The following HOXC12 variants were observed in gnomAD, a reference collection of about 807,000 sequenced individuals.
HOXC12 encodes homeobox protein Hox-C12.
Under a neutral mutation model 20.9 loss-of-function variants are expected in HOXC12, and 24 were observed. The observed-to-expected ratio is 1.15, with a 90% CI of 0.83 to 1.61. The LOEUF is 1.61. HOXC12 is among the 40% of genes most tolerant of loss of function. The probability of loss-of-function intolerance (pLI) is 0.00; values close to 1 mark genes in which losing one functional copy is unlikely to be tolerated. For synonymous variants in HOXC12, 202 were observed against 197.7 expected (o/e 1.02, Z -0.18); for missense variants, 436 against 406.9 (o/e 1.07, Z -0.62).
In HOXC12 at chr12:53,955,136, C is replaced by T. The variant is rs1282483241; in HGVS notation, c.207C>T (p.Leu69=). Residue 69 remains leucine, a synonymous_variant, in exon 1 of 2, where the codon CTC becomes CTT. Transcript: ENST00000243103. ...GCAATGGCTACCCGCAGCCCTACCT[C>T]GGCAGCCCAGTGTCTCTCAACCCTC... is the stretch of plus-strand genomic sequence containing the variant. ...EPCNGYPQPY[L]GSPVSLNPPF... 1.2e-6 allele frequency: 2 copies of T among 1,610,498 alleles called. No individual in the cohort carries two copies. The highest frequency in any genetic ancestry group is 1.3e-5 in the African/African-American group (1 of 74,946).
At position 53,955,428 on chromosome 12, in the gene HOXC12, G is replaced by A. The variant is rs745776602; in HGVS notation, c.499G>A (p.Glu167Lys). 4 of 1,512,212 alleles carry A rather than the reference G, an allele frequency of 2.6e-6. No individual in the cohort carries two copies. The highest frequency in any genetic ancestry group is 3.5e-6 in the Non-Finnish European group (4 of 1,137,114). The allele number at this position is 1,512,212 out of a possible 1,614,324, so 93.7% of individuals were successfully genotyped here. A position where few individuals can be genotyped will look rare whatever the true frequency, so the allele number is the denominator to read the frequency against. Residue 167 changes from glutamate to lysine, a missense_variant, in exon 1 of 2, where the codon GAA (glutamate) becomes AAA (lysine). Glu to Lys is a moderately conservative substitution (Grantham distance 56, BLOSUM62 1). Coordinates refer to ENST00000243103, the MANE Select transcript of HOXC12 (RefSeq NM_173860.3). ...CGACCCGCCCTCCTGCCAGTCGCTGGAATCCGACTCCAGTTCGTCCCTGCT... is the reference window on the plus strand; with the variant it reads ...CGACCCGCCCTCCTGCCAGTCGCTGAAATCCGACTCCAGTTCGTCCCTGCT... ...PHDPPSCQSL[E>K]SDSSSSLLNE...
chr12:53,956,603 G>C lies in HOXC12; in HGVS notation c.*37G>C. ...CGGGCGCCAGCCCCAGACTGAGCCT[G>C]TCCCTGGCAGAGAGCAAAAGAGGGC... is the stretch of plus-strand genomic sequence containing the variant. On this transcript the variant is annotated 3_prime_UTR_variant, in exon 2 of 2. Transcript: ENST00000243103. The C allele has an allele frequency of 6.7e-7, 1 of 1,499,142 alleles. No individual in the cohort carries two copies. Among genetic ancestry groups the C allele is most frequent in the Non-Finnish European group, 9.1e-7 (1 of 1,104,812 alleles). 92.9% of individuals were successfully genotyped at this position (1,499,142 alleles called of 1,614,324 possible).
At position 53,954,956 on chromosome 12, in the gene HOXC12, C is replaced by T. The variant is rs544231042; in HGVS notation, c.27C>T (p.Pro9=). 3 of 1,613,302 alleles carry T rather than the reference C, an allele frequency of 1.9e-6. No homozygotes were observed. Among genetic ancestry groups the T allele is most frequent in the Admixed American group, 1.7e-5 (1 of 60,024 alleles). Reference sequence around the variant, plus strand: ...TGGGCGAGCATAATCTCCTGAATCCCGGGTTTGTGGGGCCGCTGGTAAACA... The same window carrying T: ...TGGGCGAGCATAATCTCCTGAATCCTGGGTTTGTGGGGCCGCTGGTAAACA... MGEHNLLN[P]GFVGPLVNIH... is the part of the protein sequence containing the mutation. Residue 9 remains proline, a synonymous_variant, in exon 1 of 2, where the codon CCC becomes CCT. Transcript: ENST00000243103.
Position 53,956,658 on chromosome 12 carries a change from C to T in HOXC12, c.*92C>T, listed in dbSNP as rs922877872. 3.7e-4 allele frequency: 338 copies of T among 914,500 alleles called. 2 individuals are homozygous for T. Among genetic ancestry groups the T allele is most frequent in the South Asian group, 2.0e-3 (119 of 59,962 alleles). The allele number at this position is 914,500 out of a possible 1,614,324, so 56.6% of individuals were successfully genotyped here. A position where few individuals can be genotyped will look rare whatever the true frequency, so the allele number is the denominator to read the frequency against. On this transcript the variant is annotated 3_prime_UTR_variant, in exon 2 of 2. Transcript: ENST00000243103. The stretch of plus-strand genomic sequence containing the variant: ...CCTAGAACACAGTCCCCACTTAGAA[C>T]GCCAGGCGTCTCTGGCAGGCCCTCC...
At chr12:53,955,645 A>T in intron 1 of HOXC12, 106 bp downstream of exon 1, 4 of 1,205,432 alleles carry the variant, frequency 3.3e-6, no homozygotes, top group Non-Finnish European at 4.2e-6. Flanking sequence ...ATGTGTGGCG[A>T]GGAAGAGCTT....
chr12:53,955,092 T>C lies in HOXC12; in HGVS notation c.163T>C (p.Trp55Arg). Residue 55 changes from tryptophan (W) to arginine (R), a missense_variant, in exon 1 of 2, where the codon TGG becomes CGG. Physicochemically the swap from Trp to Arg is moderately radical, Grantham distance 101. Transcript: ENST00000243103. ...CCGCGACAACGTGTGCTCCCTGTCC[T>C]GGCCGTCGGCGGAGCCGTGCAATGG... ...PRRDNVCSLS[W>R]PSAEPCNGYP... The C allele has an allele frequency of 1.2e-6, 2 of 1,612,860 alleles. No homozygotes were observed. Among genetic ancestry groups the C allele is most frequent in the Non-Finnish European group, 1.7e-6 (2 of 1,179,588 alleles).
chr12:53,958,836 T>A lies in HOXC12; in HGVS notation c.*2270T>A, dbSNP rs1938909762. 1.3e-5 allele frequency: 2 copies of A among 152,210 alleles called. No individual in the cohort carries two copies. The highest frequency in any genetic ancestry group is 4.8e-5 in the African/African-American group (2 of 41,420). The allele number at this position is 152,210 out of a possible 1,614,324, so 9.4% of individuals were successfully genotyped here. A position where few individuals can be genotyped will look rare whatever the true frequency, so the allele number is the denominator to read the frequency against. On this transcript the variant is annotated 3_prime_UTR_variant, in exon 2 of 2. Coordinates refer to ENST00000243103, the MANE Select transcript of HOXC12 (RefSeq NM_173860.3). ...CCCTTCCCCTAGCTGCCTCCCCAGC[T>A]CTCTGTAGTGTAATTCTCCTATTCC... is the stretch of plus-strand genomic sequence containing the variant.
rs949392301 is a variant in HOXC12, at chr12:53,958,438, T to C, written c.*1872T>C. 2 of 152,428 alleles carry C rather than the reference T, an allele frequency of 1.3e-5. No homozygotes were observed. Among genetic ancestry groups the C allele is most frequent in the East Asian group, 1.9e-4 (1 of 5,186 alleles). 9.4% of individuals were successfully genotyped at this position (152,428 alleles called of 1,614,324 possible). Reference sequence around the variant, plus strand: ...CACCTGACAATTCCCCATCCACACATACTTGCTTCACCCATGTACAAGTTC... The same window carrying C: ...CACCTGACAATTCCCCATCCACACACACTTGCTTCACCCATGTACAAGTTC... On this transcript the variant is annotated 3_prime_UTR_variant, in exon 2 of 2. Transcript: ENST00000243103.
Position 53,955,448 on chromosome 12 carries a change from C to T in HOXC12, c.519C>T (p.Ser173=), listed in dbSNP as rs1003793257. The T allele has an allele frequency of 4.0e-6, 6 of 1,506,434 alleles. No homozygotes were observed. The African/African-American group carries it at 7.2e-5, about 18-fold the overall frequency. 93.3% of individuals were successfully genotyped at this position (1,506,434 alleles called of 1,614,324 possible). ...CGCTGGAATCCGACTCCAGTTCGTC[C>T]CTGCTCAACGAGGGCAACAAGGGCG... ...CQSLESDSSS[S]LLNEGNKGAG... Residue 173 remains serine, a synonymous_variant, in exon 1 of 2, where the codon TCC becomes TCT. Transcript: ENST00000243103.
intron 1 of HOXC12, 144 bp downstream of exon 1, chr12:53,955,683 A>G: frequency 1.0e-6 from 1 of 985,078 alleles, no homozygotes. Context: ...GGGTGGGGGG[A>G]GCCTATAAAC....
rs146523432 is a variant in HOXC12, at chr12:53,956,511, G to T, written c.794G>T (p.Arg265Leu). The part of the protein sequence containing the change: ...DQQVKIWFQN[R>L]RMKKKRLLLR... ...CAGGTCAAGATCTGGTTTCAGAACC[G>T]GAGAATGAAAAAGAAAAGACTTCTG... is the stretch of plus-strand genomic sequence containing the variant. The change falls in exon 2 of 2, where the codon CGG (arginine) becomes CTG (leucine). Residue 265 changes from arginine to leucine, a missense_variant. Coordinates refer to ENST00000243103, the MANE Select transcript of HOXC12 (RefSeq NM_173860.3). 2 of 1,613,850 alleles carry T rather than the reference G, an allele frequency of 1.2e-6. No individual in the cohort carries two copies. Among genetic ancestry groups the T allele is most frequent in the African/African-American group, 1.3e-5 (1 of 74,904 alleles).
chr12:53,955,553 C>A lies in HOXC12; in HGVS notation c.610+14C>A. 1.4e-6 allele frequency: 2 copies of A among 1,405,454 alleles called. No individual in the cohort carries two copies. The highest frequency in any genetic ancestry group is 3.0e-5 in the East Asian group (1 of 32,866). The allele number at this position is 1,405,454 out of a possible 1,614,324, so 87.1% of individuals were successfully genotyped here. ...TCTCGGCCAGCGGTAAGGACCCCGG[C>A]CACTCAAGCGGCGGATTCAAACCCG... On this transcript the variant is annotated intron_variant, in intron 1 of 1. Transcript: ENST00000243103.
Position 53,955,577 on chromosome 12 carries a change from C to G in HOXC12, c.610+38C>G, listed in dbSNP as rs200063643. ...GCCACTCAAGCGGCGGATTCAAACCCGACCTCTTACCAGGGCGGGCAGAAC... is the reference window on the plus strand; with the variant it reads ...GCCACTCAAGCGGCGGATTCAAACCGGACCTCTTACCAGGGCGGGCAGAAC... On this transcript the variant is annotated intron_variant, in intron 1 of 1. Coordinates refer to ENST00000243103, the MANE Select transcript of HOXC12 (RefSeq NM_173860.3). The G allele has an allele frequency of 1.7e-5, 24 of 1,381,292 alleles. No homozygotes were observed. In the East Asian group the frequency reaches 7.0e-4, roughly 40 times the overall value. 85.6% of individuals were successfully genotyped at this position (1,381,292 alleles called of 1,614,324 possible). A position where few individuals can be genotyped will look rare whatever the true frequency, so the allele number is the denominator to read the frequency against.
At chr12:53,955,851 G>T (rs1273671979) in intron 1 of HOXC12, among the ~76,000 whole-genome samples, 1 of 152,102 alleles carries the variant, frequency 6.6e-6, no homozygotes, top group East Asian at 1.9e-4. Flanking sequence ...GTTCTCCCAG[G>T]CGCCTCTCCC....
intron 1 of HOXC12, 25 bp downstream of exon 1, chr12:53,955,564 G>A: frequency 7.2e-7 from 1 of 1,391,286 alleles, no homozygotes; most frequent in Non-Finnish European, 9.3e-7. Flanking sequence ...CACTCAAGCG[G>A]CGGATTCAAA....
rs905375285 is a variant in HOXC12 at position 53,957,901 on chromosome 12, C to G, written c.*1335C>G. 6.6e-6 allele frequency: 1 copy of G among 152,388 alleles called. No individual in the cohort carries two copies. The highest frequency in any genetic ancestry group is 1.5e-5 in the Non-Finnish European group (1 of 68,170). The allele number at this position is 152,388 out of a possible 1,614,324, so 9.4% of individuals were successfully genotyped here. A position where few individuals can be genotyped will look rare whatever the true frequency, so the allele number is the denominator to read the frequency against. ...CATTGGAGGTCTGAGAATGGCTTCT[C>G]TGAGTGGGAAGGACTTTCATCCAGA... On this transcript the variant is annotated 3_prime_UTR_variant, in exon 2 of 2. Coordinates refer to ENST00000243103, the MANE Select transcript of HOXC12 (RefSeq NM_173860.3).
rs1938911212 is a variant in HOXC12, at chr12:53,958,942, T to A, written c.*2376T>A. ...ATCATATTAATATTGATAATAATAA[T>A]AATTAAAACATGAATTATGATTATG... is the stretch of plus-strand genomic sequence containing the variant. On this transcript the variant is annotated 3_prime_UTR_variant, in exon 2 of 2. Coordinates refer to ENST00000243103, the MANE Select transcript of HOXC12 (RefSeq NM_173860.3). 6.6e-6 allele frequency: 1 copy of A among 152,176 alleles called. No homozygotes were observed. The highest frequency in any genetic ancestry group is 2.4e-5 in the African/African-American group (1 of 41,424). 9.4% of individuals were successfully genotyped at this position (152,176 alleles called of 1,614,324 possible).
rs1938843719 is a variant in HOXC12 at position 53,955,371 on chromosome 12, G to A, written c.442G>A (p.Gly148Ser). Residue 148 changes from glycine (G) to serine (S), a missense_variant, in exon 1 of 2, where the codon GGC becomes AGC. Physicochemically the swap from Gly to Ser is moderately conservative, Grantham distance 56. Coordinates refer to ENST00000243103, the MANE Select transcript of HOXC12 (RefSeq NM_173860.3). ...CGACTACGCGGCGGGCGGCGGCGGTGGCGACGGCGGCGGCGGCGCAGGACC... is the reference window on the plus strand; with the variant it reads ...CGACTACGCGGCGGGCGGCGGCGGTAGCGACGGCGGCGGCGGCGCAGGACC... ...KYDYAAGGGG[G>S]DGGGGAGPPH... 5 of 1,457,790 alleles carry A rather than the reference G, an allele frequency of 3.4e-6. No individual in the cohort carries two copies. Among genetic ancestry groups the A allele is most frequent in the Non-Finnish European group, 4.5e-6 (5 of 1,109,850 alleles). 90.3% of individuals were successfully genotyped at this position (1,457,790 alleles called of 1,614,324 possible).
rs565133035 is a variant in HOXC12 at position 53,956,536 on chromosome 12, G to C, written c.819G>C (p.Leu273=). ...QNRRMKKKRL[L]LREQALSFF ...GGAGAATGAAAAAGAAAAGACTTCT[G>C]TTGAGGGAGCAAGCTCTCTCCTTCT... Residue 273 remains leucine (L), a synonymous_variant, in exon 2 of 2, where the codon CTG becomes CTC. Coordinates refer to ENST00000243103, the MANE Select transcript of HOXC12 (RefSeq NM_173860.3). 14 of 1,613,644 alleles carry C rather than the reference G, an allele frequency of 8.7e-6. No individual in the cohort carries two copies. In the Admixed American group the frequency reaches 2.3e-4, roughly 27 times the overall value.
Sources: gnomAD v4.1 joint callset for allele counts (sites outside exome capture counted in the v4.1 genomes callset) on GRCh38, gnomAD v4.1.1 for gene constraint, MANE v1.5 for transcripts, NCBI Gene and HGNC (gene_info 2026-07-23, HGNC 2026-07-21) for gene names.